Variants in MARCHF3 observed in about 807,000 individuals in gnomAD.
MARCHF3 encodes membrane associated ring-CH-type finger 3.
Under a neutral mutation model 24.2 loss-of-function variants are expected in MARCHF3, and 13 were observed. That is an observed-to-expected ratio of 0.54 (90% CI 0.35 to 0.85). MARCHF3 has a LOEUF of 0.85. MARCHF3 is among the 40% of genes least tolerant of loss of function. The pLI is 0.01. For missense variants in MARCHF3, 276 were observed against 325.0 expected, an observed-to-expected ratio of 0.85 and a Z score of 1.16; for synonymous variants, 144 against 137.3, an observed-to-expected ratio of 1.05 and a Z score of -0.34.
Position 126,924,544 on chromosome 5 carries a change from T to C in MARCHF3, c.-56-6317A>G, listed in dbSNP as rs1212461931. Reference sequence around the variant, plus strand: ...GAACATTCCTCTGGCTTTTCAGGCATGTTATAACCAGACAGTGCACTGCAT... The same window carrying C: ...GAACATTCCTCTGGCTTTTCAGGCACGTTATAACCAGACAGTGCACTGCAT... On this transcript the variant is annotated intron_variant, in intron 1 of 4. Coordinates refer to ENST00000308660, the MANE Select transcript of MARCHF3 (RefSeq NM_178450.5). Among the ~76,000 whole-genome samples, 3 of 152,208 alleles carry C rather than the reference T, an allele frequency of 2.0e-5. No individual in the cohort carries two copies. The East Asian group carries it at 5.8e-4, about 29-fold the overall frequency.
chr5:126,954,666 T>C (rs1417811389), intron 1 of MARCHF3, among the ~76,000 whole-genome samples: 2 of 150,930 alleles, frequency 1.3e-5, no homozygotes, highest in Non-Finnish European at 3.0e-5. Flanking sequence ...CCACCATGCC[T>C]GGCCCCAGTT....
intron 1 of MARCHF3, among the ~76,000 whole-genome samples, chr5:126,937,201 C>T (rs1354533427): frequency 6.6e-6 from 1 of 152,246 alleles, no homozygotes; most frequent in Non-Finnish European, 1.5e-5. Context: ...CATGCCTGAA[C>T]CCTTCAGTGG....
chr5:126,885,949 T>A (rs1202782763), intron 3 of MARCHF3, among the ~76,000 whole-genome samples: 1 of 151,734 alleles, frequency 6.6e-6, no homozygotes, highest in East Asian at 1.9e-4. Flanking sequence ...ACCTAGTAAA[T>A]TATTCAAGAT....
intron 3 of MARCHF3, among the ~76,000 whole-genome samples, chr5:126,903,776 G>C (rs887389801): frequency 6.6e-6 from 1 of 151,898 alleles, no homozygotes; most frequent in African/African-American, 2.4e-5. Flanking sequence ...GGTACACCTG[G>C]AGATTACACT....
chr5:126,933,531 G>A (rs1030664872), intron 1 of MARCHF3, among the ~76,000 whole-genome samples: 2 of 149,992 alleles, frequency 1.3e-5, no homozygotes, highest in East Asian at 2.0e-4. Context: ...TGCAAGCTCC[G>A]CCTCCTGGGT....
At chr5:126,921,343 G>A (rs1749101094) in intron 1 of MARCHF3, among the ~76,000 whole-genome samples, 1 of 150,976 alleles carries the variant, frequency 6.6e-6, no homozygotes, top group African/African-American at 2.5e-5. Context: ...GGTGGCGGAG[G>A]AGGAAAGGAA....
At chr5:126,874,350 G>T (rs557375130) in intron 4 of MARCHF3, among the ~76,000 whole-genome samples, 3 of 152,224 alleles carry the variant, frequency 2.0e-5, no homozygotes, top group Non-Finnish European at 4.4e-5. Flanking sequence ...CACTTTGGGA[G>T]GCCGAGGCAG....
chr5:126,934,922 C>T lies in MARCHF3; in HGVS notation c.-56-16695G>A, dbSNP rs139164807. On this transcript the variant is annotated intron_variant, in intron 1 of 4. Transcript: ENST00000308660. ...GAGCATGGTGGGAGCTGTGTTTCTG[C>T]CCCCACCGATTTGAAACTCATGTAC... Among the ~76,000 whole-genome samples the T allele has an allele frequency of 1.3e-3, 202 of 152,176 alleles. 2 individuals are homozygous for T. Among genetic ancestry groups the T allele is most frequent in the African/African-American group, 4.6e-3 (193 of 41,532 alleles).
intron 2 of MARCHF3, among the ~76,000 whole-genome samples, chr5:126,916,019 A>T (rs750072408): frequency 3.3e-5 from 5 of 152,246 alleles, no homozygotes. Context: ...GTGAAAAGAT[A>T]GCCCAGATTA....
At chr5:126,962,880 T>A (rs373718361) in intron 1 of MARCHF3, among the ~76,000 whole-genome samples, 68 of 151,492 alleles carry the variant, frequency 4.5e-4, no homozygotes, top group South Asian at 3.7e-3. Context: ...TTTTCAATAG[T>A]AGCAACAATA....
At chr5:126,936,228 A>T (rs1749642150) in intron 1 of MARCHF3, among the ~76,000 whole-genome samples, 1 of 152,200 alleles carries the variant, frequency 6.6e-6, no homozygotes, top group Admixed American at 6.5e-5. Context: ...TTTAGGACAT[A>T]ATGTTTGAGC....
chr5:126,974,156 C>T (rs1427557960), intron 1 of MARCHF3, among the ~76,000 whole-genome samples: 1 of 152,108 alleles, frequency 6.6e-6, no homozygotes, highest in Non-Finnish European at 1.5e-5. Context: ...CTCAGCCTCC[C>T]AAAGTGCTGG....
At chr5:126,903,761 C>T (rs1754184507) in intron 3 of MARCHF3, among the ~76,000 whole-genome samples, 1 of 151,942 alleles carries the variant, frequency 6.6e-6, no homozygotes, top group Middle Eastern at 3.2e-3. Flanking sequence ...AACTCTGCTC[C>T]CTATGGTACA....
chr5:126,884,524 A>C (rs1222236662), intron 3 of MARCHF3, among the ~76,000 whole-genome samples: 1 of 152,154 alleles, frequency 6.6e-6, no homozygotes, highest in Non-Finnish European at 1.5e-5. Flanking sequence ...ACTCAAACTT[A>C]ATCTGTCCAA....
chr5:126,974,671 G>A (rs1256559888), intron 1 of MARCHF3, among the ~76,000 whole-genome samples: 3 of 152,158 alleles, frequency 2.0e-5, no homozygotes, highest in Non-Finnish European at 2.9e-5. Flanking sequence ...GTGGATTTCA[G>A]GGAATCTTGA....
At chr5:127,014,801 G>C (rs1462569071) in intron 1 of MARCHF3, among the ~76,000 whole-genome samples, 1 of 152,184 alleles carries the variant, frequency 6.6e-6, no homozygotes, top group Non-Finnish European at 1.5e-5. Context: ...CTAGAGGTTA[G>C]AAAGGGTAGG....
At chr5:126,990,814 T>A (rs113280994) in intron 1 of MARCHF3, among the ~76,000 whole-genome samples, 7,850 of 152,252 alleles carry the variant, frequency 0.052, 373 homozygotes, top group South Asian at 0.14. Context: ...TCATCACTGG[T>A]CATCAGAGAA....
chr5:127,005,713 G>A (rs1752289987), intron 1 of MARCHF3, among the ~76,000 whole-genome samples: 1 of 152,044 alleles, frequency 6.6e-6, no homozygotes, highest in Non-Finnish European at 1.5e-5. Flanking sequence ...TTAGCCTAGA[G>A]TAGAAATCTT....
intron 1 of MARCHF3, among the ~76,000 whole-genome samples, chr5:126,937,476 A>G (rs1432412297): frequency 6.6e-6 from 1 of 152,246 alleles, no homozygotes; most frequent in Non-Finnish European, 1.5e-5. Context: ...ATCATTTATC[A>G]TTCCTCTTTG....
Sources: gnomAD v4.1 joint callset for allele counts (sites outside exome capture counted in the v4.1 genomes callset) on GRCh38, gnomAD v4.1.1 for gene constraint, MANE v1.5 for transcripts, NCBI Gene and HGNC (gene_info 2026-07-23, HGNC 2026-07-21) for gene names.